Variants in AFDN observed in about 807,000 individuals in gnomAD.
AFDN encodes afadin, adherens junction formation factor, also known as afadin.
A neutral mutation model predicts 216.6 loss-of-function variants in AFDN; 68 were observed. The observed-to-expected ratio is 0.31, with a 90% confidence interval of 0.26 to 0.38. The LOEUF is 0.38. Ranked by LOEUF, AFDN falls within the 10% of genes least tolerant of loss-of-function variation. The probability of loss-of-function intolerance (pLI) is 1.00; values close to 1 mark genes in which losing one functional copy is unlikely to be tolerated. For synonymous variants in AFDN, 868 were observed against 853.7 expected, an observed-to-expected ratio of 1.02 and a Z score of -0.29; for missense variants, 2,136 against 2,342.0, an observed-to-expected ratio of 0.91 and a Z score of 1.82.
chr6:167,955,630 A>C (rs547036631), intron 30 of AFDN, among the ~76,000 whole-genome samples: 5 of 152,332 alleles, frequency 3.3e-5, no homozygotes, highest in African/African-American at 9.6e-5. Context: ...TTCTTATACT[A>C]TGAAGAATTC....
At chr6:167,828,020 G>C (rs1227014458) in intron 1 of AFDN, 1 of 152,388 alleles carries the variant, frequency 6.6e-6, no homozygotes, top group South Asian at 2.1e-4. Context: ...CCACTAGGAA[G>C]GGCTCCGTGG....
Position 167,911,267 on chromosome 6 carries a change from T to A in AFDN, c.1832-17T>A. ...TTCTTTTTTCCTTTTTTCTTTGTTT[T>A]TGAAATCTTTCCACAGCTGAAGATT... On this transcript the variant is annotated splice_polypyrimidine_tract_variant and intron_variant, in intron 14 of 33. Coordinates refer to ENST00000683244, the MANE Select transcript of AFDN (RefSeq NM_001386888.1). The A allele has an allele frequency of 6.2e-7, 1 of 1,609,870 alleles. No individual in the cohort carries two copies. Among genetic ancestry groups the A allele is most frequent in the African/African-American group, 1.3e-5 (1 of 74,662 alleles).
rs59521151 is a variant in AFDN at position 167,956,114 on chromosome 6, C to CAAAAAA, written c.4833+3948_4833+3953dup. 2.4e-3 allele frequency among the ~76,000 whole-genome samples: 100 copies of CAAAAAA among 41,296 alleles called. 11 individuals carry two copies. The highest frequency in any genetic ancestry group is 8.2e-3 in the South Asian group (6 of 732). 27.1% of individuals were successfully genotyped at this position (41,296 alleles called of 152,430 possible). A position where few individuals can be genotyped will look rare whatever the true frequency, so the allele number is the denominator to read the frequency against. The stretch of plus-strand genomic sequence containing the variant: ...TGGGGAACAGAGCGAGACTTTGGCT[C>CAAAAAA]AAAAAAAAAAAAAAAAAAAAAAAAA... On this transcript the variant is annotated intron_variant, in intron 30 of 33. Transcript: ENST00000683244.
chr6:167,924,945 TA>T, intron 22 of AFDN, 59 bp from the exon 23 acceptor site: 2 of 1,181,084 alleles, frequency 1.7e-6, no homozygotes, highest in Non-Finnish European at 1.3e-6. Flanking sequence ...ATGAGTTGTC[TA>T]ACCATACAGA....
intron 4 of AFDN, among the ~76,000 whole-genome samples, chr6:167,873,523 C>T (rs907711700): frequency 3.3e-5 from 5 of 152,178 alleles, no homozygotes; most frequent in East Asian, 3.9e-4. Context: ...CCTTGTTCTA[C>T]GACTTAGGGA....
At chr6:167,842,580 T>C (rs1051038245) in intron 1 of AFDN, among the ~76,000 whole-genome samples, 2 of 152,126 alleles carry the variant, frequency 1.3e-5, no homozygotes, top group Non-Finnish European at 2.9e-5. Flanking sequence ...GATGGGTTGA[T>C]GGAGAGCCTG....
At chr6:167,936,572 T>C (rs1317810511) in intron 23 of AFDN, among the ~76,000 whole-genome samples, 1 of 152,218 alleles carries the variant, frequency 6.6e-6, no homozygotes, top group East Asian at 1.9e-4. Flanking sequence ...TCATACAGTT[T>C]TTTTTTTAAC....
intron 33 of AFDN, 55 bp downstream of exon 33, chr6:167,969,253 A>G (rs1466524324): frequency 1.1e-5 from 14 of 1,268,262 alleles, no homozygotes; most frequent in East Asian, 2.3e-5. Context: ...GAGCCCTTTC[A>G]CTCTTCACGA....
At chr6:167,938,579 T>G (rs916076645) in intron 23 of AFDN, among the ~76,000 whole-genome samples, 10 of 152,250 alleles carry the variant, frequency 6.6e-5, no homozygotes, top group African/African-American at 2.4e-4. Flanking sequence ...GCTTCAGGAT[T>G]TAAATTTAGG....
At chr6:167,966,459 A>C (rs1347828643) in intron 32 of AFDN, among the ~76,000 whole-genome samples, 2 of 151,874 alleles carry the variant, frequency 1.3e-5, no homozygotes, top group Admixed American at 6.6e-5. Context: ...CTGTGCTAAT[A>C]CTCTTTGGTA....
intron 1 of AFDN, among the ~76,000 whole-genome samples, chr6:167,835,540 T>G (rs1231410367): frequency 6.6e-6 from 1 of 152,246 alleles, no homozygotes; most frequent in African/African-American, 2.4e-5. Context: ...GTACTCAATT[T>G]TCAAGGAAAT....
rs759192085 is a variant in AFDN, at chr6:167,907,273, C to T, written c.1753C>T (p.Arg585Cys). 1.1e-5 allele frequency: 17 copies of T among 1,613,600 alleles called. No homozygotes were observed. The highest frequency in any genetic ancestry group is 2.2e-5 in the East Asian group (1 of 44,874). The change falls in exon 13 of 34, where the codon CGC becomes TGC. Residue 585 changes from arginine to cysteine, a missense_variant. By Grantham distance (180) the Arg-to-Cys change is radical. This residue lies in a region of AFDN where 817 missense variants were observed against 965.7 expected (regional missense o/e 0.85). Transcript: ENST00000683244. ...CAGAGTAGAACAGCAGCCAGATTAT[C>T]GCAGGCAAGAAAGCAGGTAGGAAAC... Reference protein sequence around the residue: ...MIRVEQQPDYRRQESRTQDAS... With the variant: ...MIRVEQQPDYCRQESRTQDAS...
intron 8 of AFDN, among the ~76,000 whole-genome samples, chr6:167,891,407 GGGTGTGT>G (rs745920078): frequency 4.1e-4 from 25 of 60,356 alleles, no homozygotes; most frequent in Middle Eastern, 7.2e-3. Context: ...ATAAAGGGGT[GGGTGTGT>G]GTGTGTGTGT....
At chr6:167,908,739 A>G (rs964047536) in intron 13 of AFDN, among the ~76,000 whole-genome samples, 1 of 152,198 alleles carries the variant, frequency 6.6e-6, no homozygotes, top group African/African-American at 2.4e-5. Flanking sequence ...TTACAAGGTA[A>G]GATTAGTTTG....
At chr6:167,849,990 T>C (rs996348598) in intron 1 of AFDN, among the ~76,000 whole-genome samples, 28 of 152,156 alleles carry the variant, frequency 1.8e-4, no homozygotes, top group Non-Finnish European at 3.5e-4. Flanking sequence ...TTCTCATGCC[T>C]GGTACTAAGT....
chr6:167,886,946 C>T (rs1275792978), intron 6 of AFDN, among the ~76,000 whole-genome samples: 4 of 143,128 alleles, frequency 2.8e-5, no homozygotes, highest in African/African-American at 5.2e-5. Context: ...ACCCAGGAGG[C>T]GGAGGTTGCA....
At chr6:167,889,827 G>A (rs1787342592) in intron 7 of AFDN, among the ~76,000 whole-genome samples, 1 of 152,188 alleles carries the variant, frequency 6.6e-6, no homozygotes, top group South Asian at 2.1e-4. Context: ...ACAGCAAGAA[G>A]CGAAAGATCA....
intron 18 of AFDN, 100 bp from the exon 19 acceptor site, chr6:167,915,068 C>G: frequency 1.6e-6 from 2 of 1,270,098 alleles, no homozygotes; most frequent in Non-Finnish European, 2.2e-6. Context: ...TTAAACGGCA[C>G]TTACTACCAT....
chr6:167,856,870 G>A (rs1254665934), intron 1 of AFDN, among the ~76,000 whole-genome samples: 1 of 151,980 alleles, frequency 6.6e-6, no homozygotes, highest in African/African-American at 2.4e-5. Context: ...GGGAAATTGG[G>A]TGCATAAAAA....
Sources: gnomAD v4.1 joint callset for allele counts (sites outside exome capture counted in the v4.1 genomes callset) on GRCh38, gnomAD v4.1.1 for gene constraint, gnomAD v4.1.1 regional missense constraint, MANE v1.5 for transcripts, NCBI Gene and HGNC (gene_info 2026-07-23, HGNC 2026-07-21) for gene names.